Variants in DMRT1 observed in about 807,000 individuals in gnomAD.
The protein encoded by DMRT1 is doublesex and mab-3 related transcription factor 1.
Under a neutral mutation model 32.3 loss-of-function variants are expected in DMRT1, and 7 were observed. The observed-to-expected ratio is 0.22, with a 90% CI of 0.12 to 0.41. The LOEUF is 0.41. Among genes scored for constraint, DMRT1 ranks in the 10% least tolerant of loss-of-function variants. The pLI is 1.00. For synonymous variants in DMRT1, 278 were observed against 206.1 expected (o/e 1.35, Z -2.99); for missense variants, 625 against 500.5 (o/e 1.25, Z -2.37).
At chr9:858,563 A>G in intron 2 of DMRT1, among the ~76,000 whole-genome samples, 1 of 152,076 alleles carries the variant, frequency 6.6e-6, no homozygotes. Context: ...TTGTGGTACA[A>G]TATGCACAAC....
At chr9:883,627 C>CAAA (rs781000476) in intron 2 of DMRT1, among the ~76,000 whole-genome samples, 3 of 97,072 alleles carry the variant, frequency 3.1e-5, no homozygotes, top group Non-Finnish European at 2.2e-5. Context: ...CCTGTCTCTA[C>CAAA]AAAAAAAAAA....
At chr9:868,911 C>T (rs998497516) in intron 2 of DMRT1, among the ~76,000 whole-genome samples, 1 of 152,100 alleles carries the variant, frequency 6.6e-6, no homozygotes, top group African/African-American at 2.4e-5. Context: ...TTGGGAGATG[C>T]AGGTGGGAGG....
intron 2 of DMRT1, among the ~76,000 whole-genome samples, chr9:848,440 A>C (rs560544292): frequency 5.9e-5 from 9 of 152,068 alleles, no homozygotes; most frequent in Non-Finnish European, 1.3e-4. Context: ...TGTGTATTTT[A>C]CTGAAGTTAC....
At chr9:849,032 A>G (rs1415585672) in intron 2 of DMRT1, among the ~76,000 whole-genome samples, 1 of 150,930 alleles carries the variant, frequency 6.6e-6, no homozygotes, top group Non-Finnish European at 1.5e-5. Context: ...TAAAGAGGGC[A>G]AGTTCCAGTG....
At chr9:914,293 G>A (rs1818094000) in intron 3 of DMRT1, among the ~76,000 whole-genome samples, 2 of 151,924 alleles carry the variant, frequency 1.3e-5, no homozygotes, top group African/African-American at 4.8e-5. Flanking sequence ...GATTTAATGT[G>A]GCCAGGCGCG....
intron 4 of DMRT1, among the ~76,000 whole-genome samples, chr9:930,598 CA>C (rs1275731885): frequency 6.6e-6 from 1 of 151,934 alleles, no homozygotes; most frequent in Non-Finnish European, 1.5e-5. Context: ...TTAGTAGAGA[CA>C]GGGTTTCACC....
chr9:909,130 G>A (rs756609273), intron 3 of DMRT1, among the ~76,000 whole-genome samples: 2 of 152,236 alleles, frequency 1.3e-5, no homozygotes, highest in East Asian at 1.9e-4. Flanking sequence ...AAAGCAAGGT[G>A]AGCGCAGGAG....
At chr9:916,731 T>C in intron 3 of DMRT1, 32 bp from the exon 4 acceptor site, 1 of 1,612,884 alleles carries the variant, frequency 6.2e-7, no homozygotes, top group Non-Finnish European at 8.5e-7. Flanking sequence ...GCAATGTTGA[T>C]CTCAGTATAT....
chr9:883,742 T>A (rs1335639910), intron 2 of DMRT1, among the ~76,000 whole-genome samples: 2 of 150,066 alleles, frequency 1.3e-5, no homozygotes, highest in Admixed American at 1.3e-4. Context: ...CCGTGAGCCA[T>A]GATCACACCA....
intron 2 of DMRT1, among the ~76,000 whole-genome samples, chr9:865,001 A>G (rs1231004452): frequency 6.6e-6 from 1 of 152,200 alleles, no homozygotes; most frequent in Non-Finnish European, 1.5e-5. Context: ...TCTGGTTTCT[A>G]GAGGCTAATC....
At chr9:917,584 A>T (rs1298392673) in intron 4 of DMRT1, among the ~76,000 whole-genome samples, 2 of 152,198 alleles carry the variant, frequency 1.3e-5, no homozygotes, top group African/African-American at 4.8e-5. Context: ...TTGATGTAGG[A>T]AAGTGAGAAA....
chr9:962,235 AC>A (rs970364245), intron 4 of DMRT1, among the ~76,000 whole-genome samples: 8 of 152,166 alleles, frequency 5.3e-5, no homozygotes, highest in Middle Eastern at 3.4e-3. Context: ...ACGCTTGCTC[AC>A]CTCTGAGAGG....
At chr9:887,501 A>G (rs1470409823) in intron 2 of DMRT1, among the ~76,000 whole-genome samples, 1 of 152,198 alleles carries the variant, frequency 6.6e-6, no homozygotes, top group African/African-American at 2.4e-5. Context: ...GTCTTCAGCA[A>G]TTAACTCCAG....
intron 2 of DMRT1, among the ~76,000 whole-genome samples, chr9:875,762 G>A (rs754216384): frequency 2.0e-5 from 3 of 149,526 alleles, no homozygotes; most frequent in South Asian, 2.1e-4. Flanking sequence ...ACACGTGCAT[G>A]TGTGTGTATG....
chr9:871,524 G>C (rs1203807681), intron 2 of DMRT1, among the ~76,000 whole-genome samples: 2 of 107,856 alleles, frequency 1.9e-5, no homozygotes, highest in Non-Finnish European at 3.9e-5. Context: ...TTTTTTTTTG[G>C]TAGAGACGGG....
At chr9:865,098 A>T (rs1815920678) in intron 2 of DMRT1, among the ~76,000 whole-genome samples, 1 of 152,184 alleles carries the variant, frequency 6.6e-6, no homozygotes, top group African/African-American at 2.4e-5. Context: ...GTTTGCGTTG[A>T]TGTGGAATGA....
At chr9:920,409 GA>G (rs757705889) in intron 4 of DMRT1, among the ~76,000 whole-genome samples, 3 of 152,294 alleles carry the variant, frequency 2.0e-5, no homozygotes, top group Non-Finnish European at 2.9e-5. Flanking sequence ...GGATTTTAAT[GA>G]GAGCCAAAGA....
intron 4 of DMRT1, among the ~76,000 whole-genome samples, chr9:963,479 G>C (rs981381129): frequency 1.3e-5 from 2 of 152,012 alleles, no homozygotes; most frequent in African/African-American, 2.4e-5. Context: ...TTTTTTCTCA[G>C]CTTGTGGTTT....
At chr9:925,361 C>T (rs1474080236) in intron 4 of DMRT1, among the ~76,000 whole-genome samples, 1 of 152,194 alleles carries the variant, frequency 6.6e-6, no homozygotes, top group African/African-American at 2.4e-5. Flanking sequence ...CCACAGACAT[C>T]TTGGATTTAT....
Sources: allele counts gnomAD v4.1 joint callset (sites outside exome capture counted in the v4.1 genomes callset), GRCh38; gene constraint gnomAD v4.1.1; transcripts MANE v1.5; gene names NCBI Gene and HGNC (gene_info 2026-07-23, HGNC 2026-07-21).